XKR6: variants seen among roughly 807,000 people sequenced by gnomAD.
XKR6 encodes XK-related protein 6.
A neutral mutation model predicts 56.7 loss-of-function variants in XKR6; 22 were observed. The ratio of observed to expected loss-of-function variants is 0.39; its 90% CI spans 0.28 to 0.55. XKR6 has a LOEUF of 0.55. Ranked by LOEUF, XKR6 falls within the 20% of genes least tolerant of loss-of-function variation. The pLI, the probability that XKR6 is intolerant of heterozygous loss-of-function variation, is 0.66. For missense variants in XKR6, 852 were observed against 889.0 expected (o/e 0.96, Z 0.53); for synonymous variants, 524 against 387.8 (o/e 1.35, Z -4.13).
intron 2 of XKR6, among the ~76,000 whole-genome samples, chr8:10,920,533 T>A (rs553098575): frequency 8.5e-5 from 13 of 152,252 alleles, no homozygotes; most frequent in Non-Finnish European, 1.6e-4. Context: ...CCAACAGGTC[T>A]GTTCCAAGTC....
In XKR6 at chr8:11,039,440, A is replaced by G. The variant is rs1242655732; in HGVS notation, c.765-114610T>C. Among the ~76,000 whole-genome samples, 5 of 152,326 alleles carry G rather than the reference A, an allele frequency of 3.3e-5. No individual in the cohort carries two copies. In the East Asian group the frequency reaches 9.7e-4, roughly 29 times the overall value. ...AGGCCAGCCTTTCCCTGCTTACTGGACACGCTGTGTGTGCAAGATGAGGGA... is the reference window on the plus strand; with the variant it reads ...AGGCCAGCCTTTCCCTGCTTACTGGGCACGCTGTGTGTGCAAGATGAGGGA... On this transcript the variant is annotated intron_variant, in intron 1 of 2. Coordinates refer to ENST00000416569, the MANE Select transcript of XKR6 (RefSeq NM_173683.4).
chr8:11,009,233 G>A (rs186520222), intron 1 of XKR6, among the ~76,000 whole-genome samples: 46 of 152,268 alleles, frequency 3.0e-4, no homozygotes, highest in Non-Finnish European at 5.4e-4. Flanking sequence ...GGGTTTGGCC[G>A]GGCATGGTGA....
intron 1 of XKR6, chr8:11,062,805 C>T (rs1265860172): frequency 2.2e-6 from 1 of 456,198 alleles, no homozygotes; most frequent in Non-Finnish European, 4.4e-6. Context: ...AGCCCCACCT[C>T]CCAGCCTCCT....
chr8:11,040,778 G>A (rs1799266889), intron 1 of XKR6, among the ~76,000 whole-genome samples: 7 of 152,076 alleles, frequency 4.6e-5, no homozygotes, highest in Admixed American at 4.6e-4. Flanking sequence ...CAGCACATGG[G>A]GTTAGGATGT....
At chr8:11,094,992 C>G (rs1448068327) in intron 1 of XKR6, among the ~76,000 whole-genome samples, 1 of 152,116 alleles carries the variant, frequency 6.6e-6, no homozygotes. Context: ...CACATGCTAA[C>G]CTATGTAACA....
At chr8:10,944,609 C>T (rs1337424691) in intron 1 of XKR6, among the ~76,000 whole-genome samples, 7 of 152,304 alleles carry the variant, frequency 4.6e-5, no homozygotes, top group Middle Eastern at 3.4e-3. Context: ...CATGTAGTCG[C>T]GACCAGGGCC....
intron 1 of XKR6, among the ~76,000 whole-genome samples, chr8:11,075,371 C>T (rs1447029579): frequency 6.6e-6 from 1 of 152,172 alleles, no homozygotes; most frequent in Non-Finnish European, 1.5e-5. Context: ...AAGCTCCTTC[C>T]AGGGTTAGGG....
chr8:10,906,623 C>T (rs571804061), intron 2 of XKR6, among the ~76,000 whole-genome samples: 2 of 152,214 alleles, frequency 1.3e-5, no homozygotes, highest in Admixed American at 6.5e-5. Flanking sequence ...CTTTCATAAG[C>T]ACTGACATAC....
chr8:11,054,204 C>T (rs913337458), intron 1 of XKR6, among the ~76,000 whole-genome samples: 4 of 152,128 alleles, frequency 2.6e-5, no homozygotes, highest in African/African-American at 4.8e-5. Flanking sequence ...GGAGCCATAT[C>T]CCCCTCCCTC....
At chr8:10,921,395 C>A (rs562567974) in intron 2 of XKR6, among the ~76,000 whole-genome samples, 55 of 152,252 alleles carry the variant, frequency 3.6e-4, no homozygotes, top group African/African-American at 1.2e-3. Context: ...TGGCCCATGG[C>A]GGGTGGTACC....
At chr8:11,049,246 C>T (rs1035620868) in intron 1 of XKR6, among the ~76,000 whole-genome samples, 2 of 152,250 alleles carry the variant, frequency 1.3e-5, no homozygotes, top group Non-Finnish European at 2.9e-5. Flanking sequence ...CTTAATGAAA[C>T]CTGCTCTTGG....
chr8:11,102,905 A>G (rs145270643), intron 1 of XKR6, among the ~76,000 whole-genome samples: 2 of 152,286 alleles, frequency 1.3e-5, no homozygotes, highest in East Asian at 1.9e-4. Context: ...TTTCAAACCT[A>G]TAAGGTGGTC....
At chr8:11,002,692 G>A (rs1348785610) in intron 1 of XKR6, among the ~76,000 whole-genome samples, 1 of 152,236 alleles carries the variant, frequency 6.6e-6, no homozygotes, top group Non-Finnish European at 1.5e-5. Flanking sequence ...AGGCCCAGGG[G>A]GTGGTGCGAG....
At chr8:11,117,242 T>C (rs910890042) in intron 1 of XKR6, among the ~76,000 whole-genome samples, 2 of 152,196 alleles carry the variant, frequency 1.3e-5, no homozygotes, top group Admixed American at 1.3e-4. Flanking sequence ...AACACTGCAG[T>C]CCCCTCTTAG....
At chr8:11,173,963 T>G (rs7004825) in intron 1 of XKR6, among the ~76,000 whole-genome samples, 10 of 152,026 alleles carry the variant, frequency 6.6e-5, no homozygotes, top group Non-Finnish European at 1.5e-5. Flanking sequence ...CTCGGGTGCT[T>G]TGGGATGAGG....
chr8:10,969,286 C>T (rs1308183968), intron 1 of XKR6, among the ~76,000 whole-genome samples: 30 of 152,192 alleles, frequency 2.0e-4, no homozygotes, highest in Admixed American at 2.0e-3. Context: ...GCCAGCTTGC[C>T]ACCCACCGTG....
intron 1 of XKR6, among the ~76,000 whole-genome samples, chr8:11,002,886 C>T (rs761604565): frequency 6.6e-6 from 1 of 152,112 alleles, no homozygotes; most frequent in Non-Finnish European, 1.5e-5. Flanking sequence ...GGTATGGTTA[C>T]AGAGCAAGGC....
chr8:11,136,123 G>C (rs1039860741), intron 1 of XKR6, among the ~76,000 whole-genome samples: 26 of 152,180 alleles, frequency 1.7e-4, no homozygotes, highest in African/African-American at 6.3e-4. Context: ...GGAAGTATCT[G>C]CGAGGCAATA....
chr8:10,992,957 C>A (rs1216640102), intron 1 of XKR6, among the ~76,000 whole-genome samples: 4 of 152,218 alleles, frequency 2.6e-5, no homozygotes, highest in Admixed American at 6.5e-5. Context: ...TGTCACCTTT[C>A]CCAATGACTG....
Sources: gnomAD v4.1 joint callset for allele counts (sites outside exome capture counted in the v4.1 genomes callset) on GRCh38, gnomAD v4.1.1 for gene constraint, MANE v1.5 for transcripts, NCBI Gene and HGNC (gene_info 2026-07-23, HGNC 2026-07-21) for gene names.